AIG1: variants seen among roughly 807,000 people sequenced by gnomAD.
The protein encoded by AIG1 is androgen induced 1.
In AIG1, 23 loss-of-function variants were observed where a neutral mutation model predicts 31.4. The ratio of observed to expected loss-of-function variants is 0.73; its 90% CI spans 0.53 to 1.04. AIG1 has a LOEUF of 1.04. AIG1 is among the 50% of genes least tolerant of loss of function. The pLI, the probability that AIG1 is intolerant of heterozygous loss-of-function variation, is 0.00. For missense variants in AIG1, 274 were observed against 295.0 expected (o/e 0.93, Z 0.52); for synonymous variants, 100 against 110.5 (o/e 0.90, Z 0.60).
At chr6:143,238,432 T>C (rs1793976668) in intron 3 of AIG1, among the ~76,000 whole-genome samples, 1 of 152,210 alleles carries the variant, frequency 6.6e-6, no homozygotes, top group Admixed American at 6.5e-5. Flanking sequence ...TGTTTTAGTT[T>C]TCACTCTAGA....
intron 3 of AIG1, among the ~76,000 whole-genome samples, chr6:143,207,131 C>A (rs1461298306): frequency 3.9e-5 from 6 of 152,052 alleles, no homozygotes; most frequent in Admixed American, 3.9e-4. Flanking sequence ...CTCCAGATAT[C>A]TTCTTTTTGT....
chr6:143,248,627 G>A (rs937666535), intron 3 of AIG1, among the ~76,000 whole-genome samples: 1 of 152,204 alleles, frequency 6.6e-6, no homozygotes, highest in Non-Finnish European at 1.5e-5. Flanking sequence ...CAGCTTTGCT[G>A]ATGTAAAAGG....
intron 3 of AIG1, chr6:143,187,938 G>C: frequency 3.9e-6 from 5 of 1,290,626 alleles, no homozygotes; most frequent in Non-Finnish European, 4.9e-6. Context: ...CATAAGGAAT[G>C]ATACTTGCTC....
intron 3 of AIG1, among the ~76,000 whole-genome samples, chr6:143,180,746 A>G (rs1264755421): frequency 3.9e-5 from 6 of 152,234 alleles, no homozygotes; most frequent in African/African-American, 1.4e-4. Context: ...TAATCACAGC[A>G]GGAGTTGTTC....
In AIG1 at chr6:143,258,478, C is replaced by T. The variant is rs947485236; in HGVS notation, c.400-25632C>T. On this transcript the variant is annotated intron_variant, in intron 3 of 5. Coordinates refer to ENST00000357847, the MANE Select transcript of AIG1 (RefSeq NM_016108.4). This position sits in a 1 kb window ranked among gnomAD's most constrained non-coding sequence, Gnocchi z 4.7. ...AATATCTTCCATTCTTACCCATATC[C>T]TTTTGCAAAACTCACAAAATTTTTG... Among the ~76,000 whole-genome samples the T allele has an allele frequency of 1.3e-5, 2 of 152,220 alleles. No individual in the cohort carries two copies. Among genetic ancestry groups the T allele is most frequent in the African/African-American group, 4.8e-5 (2 of 41,462 alleles).
intron 3 of AIG1, among the ~76,000 whole-genome samples, chr6:143,257,851 A>G (rs910219867): frequency 1.3e-5 from 2 of 152,244 alleles, no homozygotes; most frequent in South Asian, 4.1e-4. Flanking sequence ...TTTTTTCAAT[A>G]CTATATGTGG....
At chr6:143,265,835 A>G (rs1241922361) in intron 3 of AIG1, among the ~76,000 whole-genome samples, 2 of 152,152 alleles carry the variant, frequency 1.3e-5, no homozygotes, top group Non-Finnish European at 2.9e-5. Context: ...TCATTCCCTC[A>G]TTCCATAAAC....
chr6:143,304,888 T>C (rs1056445535), intron 4 of AIG1, among the ~76,000 whole-genome samples: 2 of 152,226 alleles, frequency 1.3e-5, no homozygotes, highest in African/African-American at 2.4e-5. Flanking sequence ...CTGTTGATTA[T>C]TGCCACAATT....
intron 3 of AIG1, among the ~76,000 whole-genome samples, chr6:143,239,805 C>A (rs1446967804): frequency 6.6e-6 from 1 of 152,160 alleles, no homozygotes; most frequent in Non-Finnish European, 1.5e-5. Context: ...TATGTGTTGG[C>A]CACATGGACA....
intron 2 of AIG1, among the ~76,000 whole-genome samples, chr6:143,154,360 T>C (rs562395758): frequency 6.6e-6 from 1 of 152,256 alleles, no homozygotes; most frequent in East Asian, 1.9e-4. Flanking sequence ...TGAGAAAGAT[T>C]GCATGCATAT....
intron 4 of AIG1, among the ~76,000 whole-genome samples, chr6:143,316,113 A>C (rs185645976): frequency 3.9e-5 from 6 of 152,190 alleles, no homozygotes; most frequent in East Asian, 1.9e-4. Context: ...CATTACCCCC[A>C]AAAAAACACT....
At chr6:143,087,701 G>A (rs1778930908) in intron 1 of AIG1, among the ~76,000 whole-genome samples, 1 of 152,210 alleles carries the variant, frequency 6.6e-6, no homozygotes, top group South Asian at 2.1e-4. Context: ...GGACCCAAAA[G>A]GGGTTGCCCT....
chr6:143,222,823 A>G (rs1406659435), intron 3 of AIG1, among the ~76,000 whole-genome samples: 1 of 152,212 alleles, frequency 6.6e-6, no homozygotes. Context: ...TCTGAAATAC[A>G]TTACAAATCA....
Position 143,060,937 on chromosome 6 carries a change from C to G in AIG1, c.12C>G (p.Val4=), listed in dbSNP as rs1485093173. 3 of 1,610,270 alleles carry G rather than the reference C, an allele frequency of 1.9e-6. No homozygotes were observed. The highest frequency in any genetic ancestry group is 1.7e-5 in the Admixed American group (1 of 59,888). Residue 4 remains valine, a synonymous_variant, in exon 1 of 6, where the codon GTC becomes GTG. Transcript: ENST00000357847. ...GGCCTCTGGCGAACATGGCGCTTGT[C>G]CCCTGCCAGGTGCTGCGGATGGCAA... MAL[V]PCQVLRMAIL...
In AIG1 at chr6:143,297,932, G is replaced by C. The variant is rs187034525; in HGVS notation, c.515+13707G>C. On this transcript the variant is annotated intron_variant, in intron 4 of 5. Coordinates refer to ENST00000357847, the MANE Select transcript of AIG1 (RefSeq NM_016108.4). This position sits in a 1 kb window ranked among gnomAD's most constrained non-coding sequence, Gnocchi z 5.1. ...TCACGCAACAGTAGAAAAACAAGAT[G>C]TGTAAGTCACCCATAAAGCTGAGAA... Among the ~76,000 whole-genome samples, 1 of 151,928 alleles carries C rather than the reference G, an allele frequency of 6.6e-6. No homozygotes were observed. The highest frequency in any genetic ancestry group is 1.5e-5 in the Non-Finnish European group (1 of 68,004).
chr6:143,090,262 T>G (rs1779175957), intron 1 of AIG1, among the ~76,000 whole-genome samples: 1 of 151,948 alleles, frequency 6.6e-6, no homozygotes, highest in Non-Finnish European at 1.5e-5. Context: ...AAATTGGGTT[T>G]GATATCTCTA....
In AIG1 at chr6:143,165,618, C is replaced by T. The variant is rs373347100; in HGVS notation, c.399+435C>T. 1.0e-3 allele frequency among the ~76,000 whole-genome samples: 153 copies of T among 152,312 alleles called. 1 individual carries two copies. In the Middle Eastern group the frequency reaches 0.01, roughly 10 times the overall value. ...TAACTATTGCAGCTGGACAGTTTCC[C>T]TCAGATGGGCAGCAAGGCTGTGACT... On this transcript the variant is annotated intron_variant, in intron 3 of 5. Coordinates refer to ENST00000357847, the MANE Select transcript of AIG1 (RefSeq NM_016108.4).
intron 1 of AIG1, among the ~76,000 whole-genome samples, chr6:143,130,374 AGT>A (rs1783103854): frequency 6.6e-6 from 1 of 152,128 alleles, no homozygotes; most frequent in African/African-American, 2.4e-5. Flanking sequence ...AAGAGAAAAA[AGT>A]GTTCCCTACT....
At chr6:143,323,257 T>C (rs1776359501) in intron 4 of AIG1, among the ~76,000 whole-genome samples, 1 of 152,156 alleles carries the variant, frequency 6.6e-6, no homozygotes, top group Non-Finnish European at 1.5e-5. Context: ...TGTAAGACTT[T>C]CAAGATGGTG....
Sources: gnomAD v4.1 joint callset for allele counts (sites outside exome capture counted in the v4.1 genomes callset) on GRCh38, gnomAD v4.1.1 for gene constraint, Gnocchi (gnomAD v3.1) non-coding constraint, MANE v1.5 for transcripts, NCBI Gene and HGNC (gene_info 2026-07-23, HGNC 2026-07-21) for gene names.